The following ZNF738 variants were observed in gnomAD, a reference collection of about 807,000 sequenced individuals.
The protein encoded by ZNF738 is protein ZNF738.
ZNF738 carries 10 observed loss-of-function variants against 9.2 expected under a neutral mutation model. The observed-to-expected ratio is 1.09, with a 90% CI of 0.67 to 1.85. The LOEUF (loss-of-function observed/expected upper bound fraction) is 1.85. Among genes scored for constraint, ZNF738 ranks in the 40% most tolerant of loss-of-function variants. The probability of loss-of-function intolerance (pLI) is 0.00; values close to 1 mark genes in which losing one functional copy is unlikely to be tolerated. For synonymous variants in ZNF738, 113 were observed against 94.5 expected (o/e 1.20, Z -1.14); for missense variants, 346 against 283.6 (o/e 1.22, Z -1.58).
intron 4 of ZNF738, chr19:21,378,848 C>T (rs1473765130): frequency 6.4e-6 from 1 of 157,142 alleles, no homozygotes; most frequent in Non-Finnish European, 1.4e-5. Context: ...ATTCACCCAC[C>T]TCAGCTTCCC....
rs371183580 is a variant in ZNF738 at position 21,383,175 on chromosome 19, G to A, written c.629G>A (p.Gly210Asp). The A allele has an allele frequency of 1.5e-5, 24 of 1,600,512 alleles. No individual in the cohort carries two copies. The South Asian group carries it at 2.5e-4, about 17-fold the overall frequency. The change falls in exon 5 of 5, where the codon GGC (glycine) becomes GAC (aspartate). Residue 210 changes from glycine to aspartate, a missense_variant. Gly to Asp is a moderately conservative substitution (Grantham distance 94, BLOSUM62 -1). Coordinates refer to ENST00000683779, the MANE Select transcript of ZNF738 (RefSeq NM_001355237.2). ...AAACCTTTCAAATGTAAAAAATGTG[G>A]CAAATCATTTTGCATGCTTTTACAC... is the stretch of plus-strand genomic sequence containing the variant. Reference protein sequence around the residue: ...GKKPFKCKKCGKSFCMLLHLG... With the variant: ...GKKPFKCKKCDKSFCMLLHLG...
intron 4 of ZNF738, chr19:21,377,491 TACACACAG>T (rs1239935064): frequency 4.3e-6 from 3 of 693,660 alleles, no homozygotes; most frequent in East Asian, 2.7e-5. Flanking sequence ...TAGTGTGACA[TACACACAG>T]ACACACAGAC....
intron 4 of ZNF738, chr19:21,382,028 A>G (rs1412794934): frequency 1.2e-5 from 2 of 172,030 alleles, no homozygotes; most frequent in African/African-American, 2.4e-5. Context: ...AAATACATAT[A>G]TAAAATGTTG....
chr19:21,383,362 C>A lies in ZNF738; in HGVS notation c.816C>A (p.Ser272=). The A allele has an allele frequency of 9.2e-7, 1 of 1,085,480 alleles. No homozygotes were observed. The highest frequency in any genetic ancestry group is 1.3e-5 in the South Asian group (1 of 74,170). The allele number at this position is 1,085,480 out of a possible 1,614,324, so 67.2% of individuals were successfully genotyped here. ...AATGTGGAAAAGGTTTTAACCACTCCACAACTCTTACTAGACATAAGGTAA... is the reference window on the plus strand; with the variant it reads ...AATGTGGAAAAGGTTTTAACCACTCAACAACTCTTACTAGACATAAGGTAA... ...HEECGKGFNH[S]TTLTRHKVIH... is the part of the protein sequence containing the mutation. The change falls in exon 5 of 5, where the codon TCC becomes TCA. Residue 272 remains serine (S), a synonymous_variant. Coordinates refer to ENST00000683779, the MANE Select transcript of ZNF738 (RefSeq NM_001355237.2).
At chr19:21,373,825 C>G (rs937958583) in intron 2 of ZNF738, among the ~76,000 whole-genome samples, 4 of 149,760 alleles carry the variant, frequency 2.7e-5, no homozygotes, top group African/African-American at 9.8e-5. Context: ...AGAGCTGTGT[C>G]CACTCTGCCT....
rs1377167437 is a variant in ZNF738 at position 21,375,866 on chromosome 19, C to A, written c.224-3C>A. ...TTCATGTTATTTATTTTTAATAAAT[C>A]AGGTATTGATGTCTCTAAGCCAGAT... is the stretch of plus-strand genomic sequence containing the variant. On this transcript the variant is annotated splice_region_variant and splice_polypyrimidine_tract_variant and intron_variant, in intron 3 of 4. Coordinates refer to ENST00000683779, the MANE Select transcript of ZNF738 (RefSeq NM_001355237.2). 3 of 780,668 alleles carry A rather than the reference C, an allele frequency of 3.8e-6. No individual in the cohort carries two copies. In the East Asian group the frequency reaches 7.3e-5, roughly 19 times the overall value. 48.4% of individuals were successfully genotyped at this position (780,668 alleles called of 1,614,324 possible). A position where few individuals can be genotyped will look rare whatever the true frequency, so the allele number is the denominator to read the frequency against.
chr19:21,383,354 A>G lies in ZNF738; in HGVS notation c.808A>G (p.Asn270Asp). The G allele has an allele frequency of 8.4e-7, 1 of 1,185,188 alleles. No homozygotes were observed. Among genetic ancestry groups the G allele is most frequent in the Non-Finnish European group, 1.2e-6 (1 of 813,628 alleles). 73.4% of individuals were successfully genotyped at this position (1,185,188 alleles called of 1,614,324 possible). The change falls in exon 5 of 5, where the codon AAC (asparagine) becomes GAC (aspartate). Residue 270 changes from asparagine to aspartate, a missense_variant. By Grantham distance (23) the Asn-to-Asp change is conservative. Coordinates refer to ENST00000683779, the MANE Select transcript of ZNF738 (RefSeq NM_001355237.2). ...YKHEECGKGF[N>D]HSTTLTRHKV... ...ACATGAAGAATGTGGAAAAGGTTTT[A>G]ACCACTCCACAACTCTTACTAGACA...
chr19:21,361,254 C>G (rs547081788), intron 1 of ZNF738, among the ~76,000 whole-genome samples: 87 of 152,230 alleles, frequency 5.7e-4, no homozygotes, highest in South Asian at 2.3e-3. Context: ...TCTCCTGCCT[C>G]AGCCTCCGAG....
chr19:21,377,481 T>C (rs964633298), intron 4 of ZNF738: 60 of 700,816 alleles, frequency 8.6e-5, no homozygotes, highest in Non-Finnish European at 1.3e-4. Flanking sequence ...TTTGGAACCT[T>C]AGTGTGACAT....
chr19:21,372,375 A>AT (rs1271753176), intron 2 of ZNF738: 1 of 152,124 alleles, frequency 6.6e-6, no homozygotes, highest in African/African-American at 2.4e-5. Flanking sequence ...TGGAGGCCTT[A>AT]TTTAGGTCTG....
At chr19:21,375,760 G>T in intron 3 of ZNF738, 109 bp from the exon 4 acceptor site, 4 of 520,860 alleles carry the variant, frequency 7.7e-6, no homozygotes, top group South Asian at 2.9e-5. Flanking sequence ...TAGTATTTTG[G>T]GATGAATTTT....
chr19:21,376,546 T>C (rs1322550227), intron 4 of ZNF738: 5 of 152,684 alleles, frequency 3.3e-5, no homozygotes, highest in African/African-American at 1.2e-4. Flanking sequence ...TGTAGTTTTT[T>C]TGTTTTGTTT....
intron 2 of ZNF738, among the ~76,000 whole-genome samples, chr19:21,368,358 G>A (rs192812237): frequency 2.2e-4 from 34 of 152,160 alleles, no homozygotes; most frequent in East Asian, 1.5e-3. Flanking sequence ...TCTGTTTTGC[G>A]TTAATTTTCT....
chr19:21,378,682 C>T (rs748916409), intron 4 of ZNF738: 1 of 389,616 alleles, frequency 2.6e-6, no homozygotes, highest in South Asian at 1.8e-5. Context: ...GATTTCACCT[C>T]GCTGTGTCCC....
rs1452439357 is a variant in ZNF738, at chr19:21,383,527, A to G, written c.981A>G (p.Gln327=). 2 of 931,332 alleles carry G rather than the reference A, an allele frequency of 2.1e-6. No individual in the cohort carries two copies. Among genetic ancestry groups the G allele is most frequent in the Non-Finnish European group, 3.5e-6 (2 of 578,316 alleles). The allele number at this position is 931,332 out of a possible 1,614,324, so 57.7% of individuals were successfully genotyped here. ...KCEGCGKAFC[Q]FSYLTKHKII... ...AAGGATGTGGCAAAGCTTTCTGCCA[A>G]TTCTCATACCTTACTAAACATAAGA... Residue 327 remains glutamine (Q), a synonymous_variant, in exon 5 of 5, where the codon CAA becomes CAG. Transcript: ENST00000683779.
chr19:21,382,989 G>T lies in ZNF738; in HGVS notation c.443G>T (p.Cys148Phe). The change falls in exon 5 of 5, where the codon TGT becomes TTT. Residue 148 changes from cysteine to phenylalanine, a missense_variant. Coordinates refer to ENST00000683779, the MANE Select transcript of ZNF738 (RefSeq NM_001355237.2). ...AAAGATTTACAGTTAAGAAAAGGCT[G>T]TAAAAGTGTGAATGAGTGTAATGTG... ...GHKDLQLRKGCKSVNECNVQK... is the reference protein window; with the variant it reads ...GHKDLQLRKGFKSVNECNVQK... The T allele has an allele frequency of 1.4e-6, 1 of 700,504 alleles. No homozygotes were observed. The highest frequency in any genetic ancestry group is 2.6e-5 in the East Asian group (1 of 37,962). 43.4% of individuals were successfully genotyped at this position (700,504 alleles called of 1,614,324 possible).
chr19:21,359,985 A>T (rs2145213772), intron 1 of ZNF738, among the ~76,000 whole-genome samples: 1 of 152,324 alleles, frequency 6.6e-6, no homozygotes, highest in African/African-American at 2.4e-5. Flanking sequence ...GCTTGAAAGA[A>T]AGTCTTTTGT....
At chr19:21,365,305 A>G (rs555847650) in intron 2 of ZNF738, among the ~76,000 whole-genome samples, 1 of 152,078 alleles carries the variant, frequency 6.6e-6, no homozygotes, top group South Asian at 2.1e-4. Context: ...CTGACTTCCT[A>G]TCTTATCCTG....
chr19:21,380,510 T>C (rs1182942972), intron 4 of ZNF738, among the ~76,000 whole-genome samples: 1 of 152,114 alleles, frequency 6.6e-6, no homozygotes, highest in African/African-American at 2.4e-5. Flanking sequence ...GGAGGTGGGC[T>C]AGATGGCTTT....
Sources: gnomAD v4.1 joint callset for allele counts (sites outside exome capture counted in the v4.1 genomes callset) on GRCh38, gnomAD v4.1.1 for gene constraint, MANE v1.5 for transcripts, NCBI Gene and HGNC (gene_info 2026-07-23, HGNC 2026-07-21) for gene names.